FTO: variants seen among roughly 807,000 people sequenced by gnomAD.
The protein encoded by FTO is FTO alpha-ketoglutarate dependent dioxygenase, also known as alpha-ketoglutarate-dependent dioxygenase FTO.
FTO carries 47 observed loss-of-function variants against 63.9 expected under a neutral mutation model. That is an observed-to-expected ratio of 0.74 (90% confidence interval 0.58 to 0.94). The LOEUF (loss-of-function observed/expected upper bound fraction) is 0.94, where lower values mean the gene tolerates loss of function less well. Among genes scored for constraint, FTO ranks in the 40% least tolerant of loss-of-function variants. The pLI is 0.00. For missense variants in FTO, 562 were observed against 618.1 expected (o/e 0.91, Z 0.96); for synonymous variants, 207 against 224.4 (o/e 0.92, Z 0.69).
At chr16:53,799,928 C>G (rs970391936) in intron 1 of FTO, among the ~76,000 whole-genome samples, 3 of 152,038 alleles carry the variant, frequency 2.0e-5, no homozygotes, top group Non-Finnish European at 4.4e-5. Context: ...ATCATTCTGG[C>G]TAGGGATTTT....
chr16:53,938,991 G>A (rs2082458885), intron 8 of FTO, among the ~76,000 whole-genome samples: 1 of 151,982 alleles, frequency 6.6e-6, no homozygotes, highest in Admixed American at 6.5e-5. Flanking sequence ...CCAGCTACTC[G>A]GAAGGCTGAG....
rs543175709 is a variant in FTO at position 53,994,136 on chromosome 16, A to T, written c.1364+60027A>T. 3.3e-5 allele frequency: 5 copies of T among 152,278 alleles called. No individual in the cohort carries two copies. In the East Asian group the frequency reaches 7.7e-4, roughly 24 times the overall value. The allele number at this position is 152,278 out of a possible 1,614,324, so 9.4% of individuals were successfully genotyped here. A position where few individuals can be genotyped will look rare whatever the true frequency, so the allele number is the denominator to read the frequency against. ...AACTTTCATTGACTCTCAATTGCCA[A>T]CTGCAGGAAAAAGTTCAGGTTTTAA... On this transcript the variant is annotated intron_variant, in intron 8 of 8. Transcript: ENST00000471389.
At chr16:53,789,853 T>C (rs1771751381) in intron 1 of FTO, among the ~76,000 whole-genome samples, 1 of 146,900 alleles carries the variant, frequency 6.8e-6, no homozygotes, top group Admixed American at 6.8e-5. Flanking sequence ...AGACAAATTA[T>C]ATAAATGTAT....
At chr16:53,998,481 C>T (rs978864780) in intron 8 of FTO, 2 of 152,180 alleles carry the variant, frequency 1.3e-5, no homozygotes, top group Non-Finnish European at 1.5e-5. Flanking sequence ...ATCTAGGTAT[C>T]CCTCAGTGTT....
In FTO at chr16:54,084,392, C is replaced by T. The variant is rs1007961008; in HGVS notation, c.1365-27370C>T. On this transcript the variant is annotated intron_variant, in intron 8 of 8. Coordinates refer to ENST00000471389, the MANE Select transcript of FTO (RefSeq NM_001080432.3). ...ATCCTGATATTTGGGGGCTGGCCTA[C>T]GTACAGATTGCTATACCAGAAGGAG... 7.2e-5 allele frequency among the ~76,000 whole-genome samples: 11 copies of T among 152,232 alleles called. No homozygotes were observed. In the East Asian group the frequency reaches 9.6e-4, roughly 13 times the overall value.
chr16:53,995,072 G>A (rs1341876774), intron 8 of FTO, among the ~76,000 whole-genome samples: 1 of 152,174 alleles, frequency 6.6e-6, no homozygotes, highest in Non-Finnish European at 1.5e-5. Context: ...CTGTACTGCT[G>A]TATGCAGTGG....
At chr16:53,800,696 G>A (rs72805612) in intron 1 of FTO, among the ~76,000 whole-genome samples, 46,329 of 151,728 alleles carry the variant, frequency 0.31, 8,553 homozygotes, top group Non-Finnish European at 0.42. Context: ...TGTTCTTGAT[G>A]ATTTGACTCC....
In FTO at chr16:53,778,798, T is replaced by C. The variant is rs57223888; in HGVS notation, c.46-31342T>C. Among the ~76,000 whole-genome samples, 8 of 148,660 alleles carry C rather than the reference T, an allele frequency of 5.4e-5. No individual in the cohort carries two copies. In the East Asian group the frequency reaches 1.6e-3, roughly 29 times the overall value. On this transcript the variant is annotated intron_variant, in intron 1 of 8. Coordinates refer to ENST00000471389, the MANE Select transcript of FTO (RefSeq NM_001080432.3). ...TTGAGTTTAAGAAGCACAGGGAGGA[T>C]TTTTTTTTAACCTGCCTTTGGTGAT...
intron 8 of FTO, among the ~76,000 whole-genome samples, chr16:53,950,174 A>AAAAAAC (rs2082753731): frequency 1.1e-4 from 15 of 133,384 alleles, no homozygotes; most frequent in Non-Finnish European, 2.4e-4. Context: ...AAAAAAAAAA[A>AAAAAAC]AAAAACTTAA....
intron 1 of FTO, among the ~76,000 whole-genome samples, chr16:53,743,158 C>G (rs28752053): frequency 0.018 from 2,713 of 152,202 alleles, 80 homozygotes; most frequent in African/African-American, 0.062. Flanking sequence ...TGAAATGCCC[C>G]TTCATTTGCT....
chr16:53,930,112 T>C (rs2082243301), intron 7 of FTO, among the ~76,000 whole-genome samples: 1 of 152,070 alleles, frequency 6.6e-6, no homozygotes, highest in Admixed American at 6.5e-5. Context: ...ATATCTTCCT[T>C]TACAAAGAGG....
chr16:53,828,140 T>C (rs1207495062), intron 3 of FTO, among the ~76,000 whole-genome samples: 1 of 152,208 alleles, frequency 6.6e-6, no homozygotes, highest in Non-Finnish European at 1.5e-5. Flanking sequence ...TACATATAAA[T>C]ATAGAAATGT....
intron 8 of FTO, chr16:53,965,883 T>G (rs1354853258): frequency 1.3e-5 from 2 of 152,182 alleles, no homozygotes; most frequent in South Asian, 2.1e-4. Flanking sequence ...TTTTTTTTTT[T>G]TTGAGTTAGA....
rs1304763607 is a variant in FTO at position 53,825,933 on chromosome 16, G to A, written c.193G>A (p.Val65Ile). The A allele has an allele frequency of 6.2e-7, 1 of 1,614,124 alleles. No individual in the cohort carries two copies. Among genetic ancestry groups the A allele is most frequent in the South Asian group, 1.1e-5 (1 of 91,074 alleles). ...SSVSEELHKE[V>I]QEAFLTLHKH... Reference sequence around the variant, plus strand: ...TGTATCTGAGGAGCTCCATAAAGAGGTTCAAGAAGCCTTTCTCACACTGCA... The same window carrying A: ...TGTATCTGAGGAGCTCCATAAAGAGATTCAAGAAGCCTTTCTCACACTGCA... The change falls in exon 3 of 9, where the codon GTT becomes ATT. Residue 65 changes from valine to isoleucine, a missense_variant. Transcript: ENST00000471389.
chr16:53,997,405 G>C (rs1375140206), intron 8 of FTO, among the ~76,000 whole-genome samples: 1 of 152,072 alleles, frequency 6.6e-6, no homozygotes, highest in East Asian at 1.9e-4. Flanking sequence ...AACCGTATCA[G>C]GTGTGTTTGG....
intron 8 of FTO, among the ~76,000 whole-genome samples, chr16:54,077,745 A>AGGTCAGGG (rs1175479268): frequency 6.6e-6 from 1 of 152,150 alleles, no homozygotes; most frequent in Non-Finnish European, 1.5e-5. Context: ...GCAGGGGGGC[A>AGGTCAGGG]GGTCAGGGTG....
chr16:54,041,773 C>T (rs4784350), intron 8 of FTO, among the ~76,000 whole-genome samples: 67,036 of 152,006 alleles, frequency 0.44, 17,282 homozygotes, highest in African/African-American at 0.71. Context: ...AACTGACAGG[C>T]ATTGCATAGT....
chr16:53,941,688 A>G (rs2082532998), intron 8 of FTO, among the ~76,000 whole-genome samples: 1 of 152,150 alleles, frequency 6.6e-6, no homozygotes, highest in Non-Finnish European at 1.5e-5. Context: ...CTCTGCAAAA[A>G]GTGCAAACAA....
Position 53,879,888 on chromosome 16 carries a change from G to A in FTO, c.1020G>A (p.Leu340=). ...ATTATATTTTACAACGCTGTCAGTT[G>A]GCTCTGCAGAATGTCTGTGACGATG... ...TLDYILQRCQ[L]ALQNVCDDVD... The change falls in exon 6 of 9, where the codon TTG becomes TTA. Residue 340 remains leucine, a synonymous_variant. Coordinates refer to ENST00000471389, the MANE Select transcript of FTO (RefSeq NM_001080432.3). The A allele has an allele frequency of 6.2e-7, 1 of 1,613,822 alleles. No homozygotes were observed. The highest frequency in any genetic ancestry group is 1.1e-5 in the South Asian group (1 of 91,066).
Sources: gnomAD v4.1 joint callset for allele counts (sites outside exome capture counted in the v4.1 genomes callset) on GRCh38, gnomAD v4.1.1 for gene constraint, MANE v1.5 for transcripts, NCBI Gene and HGNC (gene_info 2026-07-23, HGNC 2026-07-21) for gene names.